Variants in NEK7 observed in about 807,000 individuals in gnomAD.
NEK7 encodes the protein serine/threonine-protein kinase Nek7.
NEK7 carries 18 observed loss-of-function variants against 44.6 expected under a neutral mutation model. The ratio of observed to expected loss-of-function variants is 0.40; its 90% CI spans 0.28 to 0.60. NEK7 has a LOEUF of 0.60. NEK7 is among the 20% of genes least tolerant of loss of function. The probability of loss-of-function intolerance (pLI) is 0.38; values close to 1 mark genes in which losing one functional copy is unlikely to be tolerated. For missense variants in NEK7, 256 were observed against 366.5 expected, an observed-to-expected ratio of 0.70 and a Z score of 2.46; for synonymous variants, 130 against 121.1, an observed-to-expected ratio of 1.07 and a Z score of -0.48.
rs181021674 is a variant in NEK7, at chr1:198,286,639, T to G, written c.590-6306T>G. Among the ~76,000 whole-genome samples the G allele has an allele frequency of 2.0e-5, 3 of 152,338 alleles. No homozygotes were observed. The East Asian group carries it at 5.8e-4, about 29-fold the overall frequency. ...AAACAACAGAAACGTATTATTTTTC[T>G]GTTCTGTAGGTCAGAAGTCCAATAT... On this transcript the variant is annotated intron_variant, in intron 7 of 9. Coordinates refer to ENST00000367385, the MANE Select transcript of NEK7 (RefSeq NM_133494.3).
At chr1:198,259,323 A>G (rs1344876174) in intron 3 of NEK7, among the ~76,000 whole-genome samples, 1 of 152,126 alleles carries the variant, frequency 6.6e-6, no homozygotes, top group Non-Finnish European at 1.5e-5. Context: ...GTTCCACATC[A>G]TAGAGACATT....
At chr1:198,157,631 C>T (rs938339092) in intron 1 of NEK7, among the ~76,000 whole-genome samples, 5 of 152,258 alleles carry the variant, frequency 3.3e-5, no homozygotes, top group Admixed American at 6.5e-5. Context: ...TCCCGCCTTC[C>T]GGCGGATGCT....
chr1:198,217,777 A>G (rs940214713), intron 1 of NEK7, among the ~76,000 whole-genome samples: 3 of 150,100 alleles, frequency 2.0e-5, no homozygotes, highest in African/African-American at 7.3e-5. Context: ...TAACACTGCT[A>G]TACACCAACA....
intron 2 of NEK7, among the ~76,000 whole-genome samples, chr1:198,238,429 C>A (rs1666595141): frequency 1.3e-5 from 2 of 152,096 alleles, no homozygotes; most frequent in Non-Finnish European, 2.9e-5. Context: ...TTATTGCAGT[C>A]ATCTTCTGAC....
chr1:198,246,563 C>A (rs1298841631), intron 2 of NEK7, among the ~76,000 whole-genome samples: 3 of 152,260 alleles, frequency 2.0e-5, no homozygotes. Context: ...GGCGGCCAAG[C>A]ACAGGGAGGT....
At chr1:198,207,362 G>C (rs1056631108) in intron 1 of NEK7, 1 of 151,964 alleles carries the variant, frequency 6.6e-6, no homozygotes, top group Non-Finnish European at 1.5e-5. Flanking sequence ...TGATTCCTAG[G>C]TATTTACCAG....
chr1:198,230,526 C>T (rs73078794), intron 1 of NEK7, among the ~76,000 whole-genome samples: 3,550 of 152,090 alleles, frequency 0.023, 60 homozygotes, highest in African/African-American at 0.048. Flanking sequence ...GAATTATCAA[C>T]CTGATAAATC....
chr1:198,270,032 A>G lies in NEK7; in HGVS notation c.372+5797A>G, dbSNP rs574190195. 7.9e-5 allele frequency among the ~76,000 whole-genome samples: 12 copies of G among 152,156 alleles called. No homozygotes were observed. The East Asian group carries it at 2.3e-3, about 29-fold the overall frequency. On this transcript the variant is annotated intron_variant, in intron 5 of 9. Transcript: ENST00000367385. The stretch of plus-strand genomic sequence containing the variant: ...ACACATACATGCTCCATTTTGTAGT[A>G]TGTCTTATTATACTGTTTATTTCAC...
chr1:198,211,093 A>G (rs1665757205), intron 1 of NEK7, among the ~76,000 whole-genome samples: 1 of 152,084 alleles, frequency 6.6e-6, no homozygotes, highest in African/African-American at 2.4e-5. Context: ...TGTGTCTATT[A>G]GGTTGTTAAT....
At chr1:198,175,607 G>A (rs1366539871) in intron 1 of NEK7, among the ~76,000 whole-genome samples, 1 of 152,198 alleles carries the variant, frequency 6.6e-6, no homozygotes, top group Non-Finnish European at 1.5e-5. Flanking sequence ...TGAATGATTA[G>A]CTTAGTGAGC....
intron 1 of NEK7, among the ~76,000 whole-genome samples, chr1:198,181,618 C>T (rs918852388): frequency 6.6e-6 from 1 of 152,002 alleles, no homozygotes; most frequent in Non-Finnish European, 1.5e-5. Context: ...TGCTTTTCCC[C>T]CCATGTTATT....
chr1:198,274,172 T>TTTTTTTTTTTTTTTGAGACG (rs1653941868), intron 5 of NEK7, among the ~76,000 whole-genome samples: 1 of 143,818 alleles, frequency 7.0e-6, no homozygotes, highest in African/African-American at 2.7e-5. Flanking sequence ...AGTTCTCTTA[T>TTTTTTTTTTTTTTTGAGACG]GACTTCATTA....
chr1:198,317,885 T>G (rs868696742), intron 9 of NEK7, among the ~76,000 whole-genome samples: 4 of 144,522 alleles, frequency 2.8e-5, no homozygotes, highest in Admixed American at 6.9e-5. Flanking sequence ...TTATTTTTTT[T>G]TTTTTTTTTT....
chr1:198,305,534 C>A (rs1211386184), intron 9 of NEK7, among the ~76,000 whole-genome samples: 2 of 151,832 alleles, frequency 1.3e-5, no homozygotes, highest in African/African-American at 4.8e-5. Flanking sequence ...CATCAGGTCA[C>A]TATGTAAGTT....
intron 1 of NEK7, among the ~76,000 whole-genome samples, chr1:198,205,254 T>C (rs778974246): frequency 2.6e-5 from 4 of 152,188 alleles, no homozygotes; most frequent in Non-Finnish European, 4.4e-5. Context: ...GCGCATCACT[T>C]TCAATGATAC....
chr1:198,189,633 T>A (rs1571514263), intron 1 of NEK7, among the ~76,000 whole-genome samples: 2 of 152,278 alleles, frequency 1.3e-5, no homozygotes, highest in Non-Finnish European at 2.9e-5. Flanking sequence ...GTTAAGGGCT[T>A]TTAAGATGAA....
intron 1 of NEK7, among the ~76,000 whole-genome samples, chr1:198,161,587 A>G (rs1297690715): frequency 6.6e-6 from 1 of 152,174 alleles, no homozygotes; most frequent in African/African-American, 2.4e-5. Flanking sequence ...TTGATCTTCC[A>G]CAGTTCCCTC....
intron 9 of NEK7, among the ~76,000 whole-genome samples, chr1:198,315,308 C>G (rs748167904): frequency 6.6e-6 from 1 of 152,184 alleles, no homozygotes; most frequent in African/African-American, 2.4e-5. Flanking sequence ...GCATGGTGCG[C>G]GCACCCACTG....
At chr1:198,197,614 C>T (rs1364200774) in intron 1 of NEK7, among the ~76,000 whole-genome samples, 1 of 152,232 alleles carries the variant, frequency 6.6e-6, no homozygotes. Context: ...TGGCAATCCT[C>T]TTCCCATTTT....
Sources: gnomAD v4.1 joint callset for allele counts (sites outside exome capture counted in the v4.1 genomes callset) on GRCh38, gnomAD v4.1.1 for gene constraint, MANE v1.5 for transcripts, NCBI Gene and HGNC (gene_info 2026-07-23, HGNC 2026-07-21) for gene names.